Variants in NFKBID observed in about 807,000 individuals in gnomAD.
NFKBID encodes NFKB inhibitor delta.
A neutral mutation model predicts 53.4 loss-of-function variants in NFKBID; 26 were observed. That is an observed-to-expected ratio of 0.49 (90% CI 0.36 to 0.68). The LOEUF is 0.68. Ranked by LOEUF, NFKBID falls within the 30% of genes least tolerant of loss-of-function variation. NFKBID has a pLI of 0.00. For synonymous variants in NFKBID, 262 were observed against 259.8 expected (o/e 1.01, Z -0.08); for missense variants, 493 against 614.1 (o/e 0.80, Z 2.08).
intron 9 of NFKBID, among the ~76,000 whole-genome samples, chr19:35,895,020 T>C (rs890677011): frequency 6.6e-6 from 1 of 151,874 alleles, no homozygotes; most frequent in Non-Finnish European, 1.5e-5. Context: ...AGATTTTTGA[T>C]TTCCCATGCC....
rs73928354 is a variant in NFKBID at position 35,898,609 on chromosome 19, G to A, written c.166-77C>T. 8.4e-4 allele frequency: 1,186 copies of A among 1,420,256 alleles called. 7 individuals are homozygous for A. In the African/African-American group the frequency reaches 0.014, roughly 17 times the overall value. 88.0% of individuals were successfully genotyped at this position (1,420,256 alleles called of 1,614,324 possible). ...CTCCGGGTCTGTCTCGGATCTATAA[G>A]ACATTTCGGTCAGGACCACCCCTCT... On this transcript the variant is annotated intron_variant, in intron 2 of 11. Coordinates refer to ENST00000641389, the Ensembl canonical transcript of NFKBID.
rs372383659 is a variant in NFKBID, at chr19:35,896,781, G to A, written c.629C>T (p.Ala210Val). ...CCGGTACACCTGGAGCACCTCAGCCGCAGCATATGCCGCCCAGCGCAGCCC... is the reference window on the plus strand; with the variant it reads ...CCGGTACACCTGGAGCACCTCAGCCACAGCATATGCCGCCCAGCGCAGCCC... The change falls in exon 6 of 12, where the codon GCG (alanine) becomes GTG (valine). Residue 210 changes from alanine (A) to valine (V), a missense_variant. This residue lies in a region of NFKBID where 267 missense variants were observed against 384.6 expected (regional missense o/e 0.69). Coordinates refer to ENST00000641389, the Ensembl canonical transcript of NFKBID. The surrounding 1 kb of genome is among the most constrained non-coding windows in gnomAD (Gnocchi z 5.7). The A allele has an allele frequency of 1.2e-5, 20 of 1,613,828 alleles. No individual in the cohort carries two copies. Among genetic ancestry groups the A allele is most frequent in the African/African-American group, 1.1e-4 (8 of 74,900 alleles).
At chr19:35,898,761 C>T (rs752608168) in exon 2 of NFKBID, 1 of 1,536,114 alleles carries the variant, frequency 6.5e-7, no homozygotes, top group South Asian at 1.2e-5. Flanking sequence ...GGCGGCGCCT[C>T]TGCTCTTCCA....
chr19:35,889,202 C>A (rs1157211855), intron 11 of NFKBID, among the ~76,000 whole-genome samples: 70 of 134,012 alleles, frequency 5.2e-4, no homozygotes, highest in East Asian at 2.4e-3. Context: ...AAAAAAAAAA[C>A]AAAATTAGCT....
At chr19:35,897,020 G>C in exon 5 of NFKBID, 1 of 1,605,224 alleles carries the variant, frequency 6.2e-7, no homozygotes, top group Non-Finnish European at 8.5e-7. Context: ...GGAACTGTGG[G>C]GGTCCTGAAG....
At position 35,896,019 on chromosome 19, in the gene NFKBID, G is replaced by C. The variant is rs765593204; in HGVS notation, c.993C>G (p.Val331=). The C allele has an allele frequency of 3.1e-6, 5 of 1,614,054 alleles. No individual in the cohort carries two copies. The East Asian group carries it at 8.9e-5, about 29-fold the overall frequency. ...TAGCACCCATTTGCAGCAACATGTG[G>C]ACACAATCCAGCCTGTCTCGGGCCT... The change falls in exon 9 of 12, where the codon GTC becomes GTG. Residue 331 remains valine (V), a synonymous_variant. Coordinates refer to ENST00000641389, the Ensembl canonical transcript of NFKBID. This position sits in a 1 kb window ranked among gnomAD's most constrained non-coding sequence, Gnocchi z 5.7.
At chr19:35,897,187 C>T in intron 4 of NFKBID, 129 bp from the exon 5 acceptor site, 4 of 960,094 alleles carry the variant, frequency 4.2e-6, no homozygotes, top group Middle Eastern at 2.9e-4. Context: ...GCATGCAGAG[C>T]CCCTGGGTAT....
At chr19:35,897,756 G>T in exon 4 of NFKBID, 1 of 1,611,496 alleles carries the variant, frequency 6.2e-7, no homozygotes, top group South Asian at 1.1e-5. Flanking sequence ...AGTAGGGGCT[G>T]TCAGTGTAGG....
intron 9 of NFKBID, among the ~76,000 whole-genome samples, chr19:35,893,586 C>T (rs1236434234): frequency 6.6e-6 from 1 of 152,052 alleles, no homozygotes; most frequent in Admixed American, 6.6e-5. Flanking sequence ...TTTGGGAGGC[C>T]GAGGCGGGTG....
rs920918731 is a variant in NFKBID at position 35,893,758 on chromosome 19, T to A, written c.1032+2222A>T. ...TGGTGTGAACCCGGGAGGCGGAGCT[T>A]ACAGTGAGCCGAGATCGCACCACTG... On this transcript the variant is annotated intron_variant, in intron 9 of 11. Coordinates refer to ENST00000641389, the Ensembl canonical transcript of NFKBID. Among the ~76,000 whole-genome samples, 6 of 148,906 alleles carry A rather than the reference T, an allele frequency of 4.0e-5. No individual in the cohort carries two copies. The South Asian group carries it at 1.3e-3, about 32-fold the overall frequency.
At chr19:35,893,155 C>T (rs908968468) in intron 9 of NFKBID, among the ~76,000 whole-genome samples, 1 of 152,138 alleles carries the variant, frequency 6.6e-6, no homozygotes, top group African/African-American at 2.4e-5. Flanking sequence ...GGTGACAAAG[C>T]CAGACTCTGT....
upstream of NFKBID, chr19:35,902,200 C>G (rs1481972241): frequency 2.8e-6 from 2 of 703,012 alleles, no homozygotes; most frequent in Non-Finnish European, 5.2e-6. Flanking sequence ...TACCTTTCAT[C>G]TCTGCCAGCA....
chr19:35,897,710 G>C, exon 4 of NFKBID: 1 of 1,612,774 alleles, frequency 6.2e-7, no homozygotes, highest in East Asian at 2.2e-5. Context: ...TAGAAGTCAG[G>C]AGGCAGGAAA....
exon 12 of NFKBID, chr19:35,888,300 G>A: frequency 2.0e-6 from 1 of 506,442 alleles, no homozygotes; most frequent in Non-Finnish European, 3.6e-6. Context: ...GGGGTGCAGG[G>A]TGTTTCACAG....
chr19:35,902,249 TG>T (rs1975586443), upstream of NFKBID: 2 of 703,856 alleles, frequency 2.8e-6, no homozygotes, highest in South Asian at 3.0e-5. Flanking sequence ...CCAGAAGGCT[TG>T]GCTGTCTAGG....
chr19:35,897,286 G>C (rs565935869), intron 4 of NFKBID, among the ~76,000 whole-genome samples: 1 of 151,138 alleles, frequency 6.6e-6, no homozygotes, highest in African/African-American at 2.4e-5. Context: ...ACAGAGTCTT[G>C]CTCTGTCACC....
rs767967519 is a variant in NFKBID at position 35,896,881 on chromosome 19, A to C, written c.578+32T>G. ...TGAGAACAGCCCCCACCAAGCCAAG[A>C]GTCTGCAGACAACCCTATCCCTTAT... On this transcript the variant is annotated intron_variant, in intron 5 of 11. Transcript: ENST00000641389. This position sits in a 1 kb window ranked among gnomAD's most constrained non-coding sequence, Gnocchi z 5.7. 1.1e-5 allele frequency: 17 copies of C among 1,613,752 alleles called. No individual in the cohort carries two copies. The African/African-American group carries it at 2.3e-4, about 22-fold the overall frequency.
intron 9 of NFKBID, among the ~76,000 whole-genome samples, chr19:35,893,411 C>G (rs78677636): frequency 6.6e-6 from 1 of 152,112 alleles, no homozygotes; most frequent in Non-Finnish European, 1.5e-5. Context: ...CAGTCATGCC[C>G]GTCCTTCTTA....
chr19:35,896,420 G>A lies in NFKBID; in HGVS notation c.803C>T (p.Ala268Val), dbSNP rs1375279523. 6.2e-7 allele frequency: 1 copy of A among 1,614,204 alleles called. No individual in the cohort carries two copies. Among genetic ancestry groups the A allele is most frequent in the Admixed American group, 1.7e-5 (1 of 60,022 alleles). The change falls in exon 7 of 12, where the codon GCT becomes GTT. Residue 268 changes from alanine to valine, a missense_variant. Physicochemically the swap from Ala to Val is moderately conservative, Grantham distance 64 (BLOSUM62 0). Coordinates refer to ENST00000641389, the Ensembl canonical transcript of NFKBID. The surrounding 1 kb of genome is among the most constrained non-coding windows in gnomAD (Gnocchi z 5.7). The stretch of plus-strand genomic sequence containing the variant: ...GAGAACTCCTGGGAGCCCGTAGGTA[G>A]CGGCCACGTGCAAGACCGAACGTCC...
Sources: gnomAD v4.1 joint callset for allele counts (sites outside exome capture counted in the v4.1 genomes callset) on GRCh38, gnomAD v4.1.1 for gene constraint, gnomAD v4.1.1 regional missense constraint, Gnocchi (gnomAD v3.1) non-coding constraint, MANE v1.5 for transcripts, NCBI Gene and HGNC (gene_info 2026-07-23, HGNC 2026-07-21) for gene names.